Variants in LRP1B observed in about 807,000 individuals in gnomAD.
The protein encoded by LRP1B is LDL receptor related protein 1B.
A neutral mutation model predicts 556.6 loss-of-function variants in LRP1B; 217 were observed. The ratio of observed to expected loss-of-function variants is 0.39; its 90% CI spans 0.35 to 0.44. The LOEUF (loss-of-function observed/expected upper bound fraction) is 0.44. LRP1B is among the 20% of genes least tolerant of loss of function. The probability of loss-of-function intolerance (pLI) is 1.00; values close to 1 mark genes in which losing one functional copy is unlikely to be tolerated. For missense variants in LRP1B, 5,053 were observed against 5,620.8 expected (o/e 0.90, Z 3.23); for synonymous variants, 2,047 against 1,865.8 (o/e 1.10, Z -2.50).
At position 141,153,994 on chromosome 2, in the gene LRP1B, T is replaced by C. The variant is rs897908627; in HGVS notation, c.1013+34427A>G. 4.6e-5 allele frequency among the ~76,000 whole-genome samples: 7 copies of C among 151,804 alleles called. No individual in the cohort carries two copies. The East Asian group carries it at 1.4e-3, about 29-fold the overall frequency. ...TCTGAGAATAGCAAAACAGTAAAGGTAGAAATAAATACAATTATGTTGCAG... is the reference window on the plus strand; with the variant it reads ...TCTGAGAATAGCAAAACAGTAAAGGCAGAAATAAATACAATTATGTTGCAG... On this transcript the variant is annotated intron_variant, in intron 7 of 90. Transcript: ENST00000389484.
At chr2:141,263,754 A>G (rs1322026808) in intron 3 of LRP1B, among the ~76,000 whole-genome samples, 2 of 152,158 alleles carry the variant, frequency 1.3e-5, no homozygotes, top group Non-Finnish European at 2.9e-5. Flanking sequence ...ATTCTTCAAA[A>G]TTACTAACCA....
intron 51 of LRP1B, among the ~76,000 whole-genome samples, chr2:140,510,567 T>G (rs1689607840): frequency 6.6e-6 from 1 of 152,186 alleles, no homozygotes; most frequent in South Asian, 2.1e-4. Flanking sequence ...AAGTCACAAG[T>G]TGCACGCAAT....
chr2:141,508,178 C>T (rs1380525868), intron 2 of LRP1B, among the ~76,000 whole-genome samples: 1 of 151,998 alleles, frequency 6.6e-6, no homozygotes, highest in African/African-American at 2.4e-5. Flanking sequence ...TTCTAGGTTC[C>T]TTGAGACCAA....
chr2:140,851,169 G>GT (rs1044364701), intron 28 of LRP1B, among the ~76,000 whole-genome samples: 15 of 151,772 alleles, frequency 9.9e-5, no homozygotes, highest in Non-Finnish European at 1.6e-4. Flanking sequence ...AATGTGTGGA[G>GT]TTTTTTTTAC....
intron 7 of LRP1B, among the ~76,000 whole-genome samples, chr2:141,147,326 G>A (rs1022029639): frequency 2.0e-5 from 3 of 152,148 alleles, no homozygotes; most frequent in South Asian, 2.1e-4. Context: ...CTTAAACCAT[G>A]TGAGGTTCCT....
At chr2:141,788,501 T>C (rs184428701) in intron 2 of LRP1B, among the ~76,000 whole-genome samples, 7 of 152,120 alleles carry the variant, frequency 4.6e-5, no homozygotes, top group Admixed American at 6.6e-5. Flanking sequence ...CTCCTAATTG[T>C]ACTATTATTC....
chr2:140,405,757 C>T (rs1684705020), intron 66 of LRP1B, among the ~76,000 whole-genome samples: 1 of 152,072 alleles, frequency 6.6e-6, no homozygotes, highest in African/African-American at 2.4e-5. Context: ...CAGCTGAATT[C>T]TACCAGATAT....
intron 19 of LRP1B, among the ~76,000 whole-genome samples, chr2:140,950,813 C>A (rs115368936): frequency 0.021 from 3,203 of 151,306 alleles, 45 homozygotes; most frequent in Non-Finnish European, 0.031. Flanking sequence ...TTATTTATTT[C>A]CTATATAAAG....
intron 41 of LRP1B, among the ~76,000 whole-genome samples, chr2:140,658,137 G>A (rs1017198904): frequency 1.3e-5 from 2 of 151,782 alleles, no homozygotes; most frequent in Admixed American, 1.3e-4. Context: ...TTTTTATTGT[G>A]TCTTTACAAA....
At chr2:141,882,910 G>C (rs1419992740) in intron 1 of LRP1B, among the ~76,000 whole-genome samples, 3 of 152,088 alleles carry the variant, frequency 2.0e-5, no homozygotes, top group African/African-American at 7.2e-5. Context: ...AGTCAAATGT[G>C]CTTTAGAAGT....
intron 84 of LRP1B, among the ~76,000 whole-genome samples, chr2:140,296,581 C>T (rs753322984): frequency 3.3e-5 from 5 of 151,898 alleles, no homozygotes; most frequent in African/African-American, 4.8e-5. Context: ...GTGAATTTGC[C>T]GAGGCAGTAG....
At chr2:141,959,060 A>G (rs1014115301) in intron 1 of LRP1B, among the ~76,000 whole-genome samples, 1 of 151,886 alleles carries the variant, frequency 6.6e-6, no homozygotes, top group Non-Finnish European at 1.5e-5. Flanking sequence ...TAACAGCCAA[A>G]CCCTCAAGCT....
chr2:141,156,622 G>GAAA (rs11444970), intron 7 of LRP1B, among the ~76,000 whole-genome samples: 8 of 136,320 alleles, frequency 5.9e-5, no homozygotes, highest in Non-Finnish European at 4.8e-5. Context: ...GGCTATCTCA[G>GAAA]AAAAAAAAAA....
At chr2:140,781,899 T>C (rs1689712283) in intron 32 of LRP1B, among the ~76,000 whole-genome samples, 1 of 152,242 alleles carries the variant, frequency 6.6e-6, no homozygotes, top group Non-Finnish European at 1.5e-5. Context: ...GTTTCATTTG[T>C]ACTAATTTTG....
At chr2:140,770,820 A>C (rs1689284041) in intron 34 of LRP1B, 61 bp downstream of exon 34, 118 of 1,408,430 alleles carry the variant, frequency 8.4e-5, no homozygotes, top group Non-Finnish European at 1.1e-4. Context: ...TAACATCTGC[A>C]TGGTATGTAA....
At chr2:141,010,496 G>T (rs1181165191) in intron 14 of LRP1B, among the ~76,000 whole-genome samples, 3 of 151,646 alleles carry the variant, frequency 2.0e-5, no homozygotes, top group South Asian at 2.1e-4. Flanking sequence ...AAATTCACTG[G>T]TATATTCCAA....
At chr2:141,893,624 G>T (rs1699355464) in intron 1 of LRP1B, among the ~76,000 whole-genome samples, 1 of 152,166 alleles carries the variant, frequency 6.6e-6, no homozygotes, top group Non-Finnish European at 1.5e-5. Flanking sequence ...AATGGATGAA[G>T]TCATAAAATC....
intron 85 of LRP1B, among the ~76,000 whole-genome samples, chr2:140,272,841 T>C (rs1238947294): frequency 6.6e-6 from 1 of 151,988 alleles, no homozygotes; most frequent in African/African-American, 2.4e-5. Flanking sequence ...AGTTTAAAAG[T>C]TCCACTATCT....
chr2:142,080,995 T>G (rs1335114744), intron 1 of LRP1B, among the ~76,000 whole-genome samples: 3 of 152,148 alleles, frequency 2.0e-5, no homozygotes, highest in Non-Finnish European at 4.4e-5. Context: ...GATGAGAGAA[T>G]GCTGGATCCA....
Sources: gnomAD v4.1 joint callset for allele counts (sites outside exome capture counted in the v4.1 genomes callset) on GRCh38, gnomAD v4.1.1 for gene constraint, MANE v1.5 for transcripts, NCBI Gene and HGNC (gene_info 2026-07-23, HGNC 2026-07-21) for gene names.